ZNF469: variants seen among roughly 807,000 people sequenced by gnomAD.
ZNF469 encodes the protein zinc finger protein 469.
ZNF469 carries 1 observed loss-of-function variant against 1.0 expected under a neutral mutation model. The ratio of observed to expected loss-of-function variants is 1.00; its 90% confidence interval spans 0.35 to 4.73. The LOEUF (loss-of-function observed/expected upper bound fraction) is 4.73. Among genes scored for constraint, ZNF469 ranks in the 30% most tolerant of loss-of-function variants. The pLI, the probability that ZNF469 is intolerant of heterozygous loss-of-function variation, is 0.16. For missense variants in ZNF469, 6,100 were observed against 5,356.3 expected (o/e 1.14, Z -4.33); for synonymous variants, 2,703 against 2,363.4 (o/e 1.14, Z -4.17).
the ZNF469 span, among the ~76,000 whole-genome samples, chr16:88,267,556 C>G: frequency 6.6e-6 from 1 of 152,348 alleles, no homozygotes; most frequent in African/African-American, 2.4e-5. Context: ...CTTTTCCCGG[C>G]TGAGCTGAGT....
At chr16:88,156,460 G>A in the ZNF469 span, among the ~76,000 whole-genome samples, 1 of 152,188 alleles carries the variant, frequency 6.6e-6, no homozygotes, top group Admixed American at 6.5e-5. Context: ...GGATATCCAG[G>A]TGTCCCGGCA....
At chr16:88,210,488 G>C in the ZNF469 span, among the ~76,000 whole-genome samples, 1 of 152,202 alleles carries the variant, frequency 6.6e-6, no homozygotes, top group Non-Finnish European at 1.5e-5. Context: ...ATCTTCTCTT[G>C]TGTTGCATTT....
At chr16:88,305,048 C>T in the ZNF469 span, among the ~76,000 whole-genome samples, 1 of 152,170 alleles carries the variant, frequency 6.6e-6, no homozygotes. Flanking sequence ...AAGCTGGAGA[C>T]AGGGCAGCAT....
chr16:88,116,510 T>C, the ZNF469 span, among the ~76,000 whole-genome samples: 3 of 152,194 alleles, frequency 2.0e-5, no homozygotes, highest in Non-Finnish European at 4.4e-5. Context: ...TTGGGGCGTT[T>C]ATTCCAAAGA....
At chr16:88,102,321 C>T in the ZNF469 span, among the ~76,000 whole-genome samples, 1 of 152,130 alleles carries the variant, frequency 6.6e-6, no homozygotes, top group African/African-American at 2.4e-5. Context: ...GTTCGTAGAG[C>T]AGCCTGGCCA....
the ZNF469 span, chr16:88,276,648 G>A: frequency 6.6e-6 from 1 of 152,198 alleles, no homozygotes; most frequent in Non-Finnish European, 1.5e-5. Context: ...TATGTTTATT[G>A]TCACGGGCTG....
chr16:88,434,881 C>G lies in ZNF469; in HGVS notation c.7411C>G (p.Pro2471Ala). 6.5e-7 allele frequency: 1 copy of G among 1,550,370 alleles called. No individual in the cohort carries two copies. The highest frequency in any genetic ancestry group is 8.7e-7 in the Non-Finnish European group (1 of 1,146,992). Residue 2471 changes from proline (P) to alanine (A), a missense_variant, in exon 3 of 3, where the codon CCT becomes GCT. Coordinates refer to ENST00000565624, the MANE Select transcript of ZNF469 (RefSeq NM_001367624.2). ...GTGGAAGGGCCAAGCTCCACATGGG[C>G]CTGTGACCTGTGAGGTCTGCGCAGC... ...GQWKGQAPHG[P>A]VTCEVCAASF...
chr16:88,184,698 C>G, the ZNF469 span, among the ~76,000 whole-genome samples: 4 of 151,882 alleles, frequency 2.6e-5, no homozygotes, highest in African/African-American at 9.7e-5. Flanking sequence ...GACTTCACGG[C>G]TGCACGGCCG....
the ZNF469 span, among the ~76,000 whole-genome samples, chr16:88,272,330 T>G: frequency 8.3e-6 from 1 of 120,584 alleles, no homozygotes; most frequent in Non-Finnish European, 1.8e-5. Context: ...TGCTGGGTGG[T>G]TAGATGGGTG....
chr16:88,313,413 C>T, the ZNF469 span, among the ~76,000 whole-genome samples: 1 of 152,218 alleles, frequency 6.6e-6, no homozygotes, highest in South Asian at 2.1e-4. Context: ...CCGCCCATCC[C>T]TCCAAAAAAT....
chr16:88,260,582 T>C, the ZNF469 span, among the ~76,000 whole-genome samples: 4 of 152,334 alleles, frequency 2.6e-5, no homozygotes, highest in Admixed American at 2.6e-4. The surrounding 1 kb of genome is among the most constrained non-coding windows in gnomAD (Gnocchi z 4.1). Context: ...GGGGCTTTAC[T>C]CTTTTACAAA....
the ZNF469 span, among the ~76,000 whole-genome samples, chr16:88,115,228 C>T: frequency 2.0e-5 from 3 of 152,180 alleles, no homozygotes; most frequent in Non-Finnish European, 2.9e-5. Flanking sequence ...CCAAAAACAG[C>T]CACTGTGTTT....
At chr16:88,406,861 G>A (rs993047692) in intron 1 of ZNF469, among the ~76,000 whole-genome samples, 9 of 152,174 alleles carry the variant, frequency 5.9e-5, no homozygotes, top group Admixed American at 1.3e-4. Flanking sequence ...AGCTTCCCCC[G>A]TCGGCCCCCA....
At chr16:88,398,201 C>T (rs1175032349) in intron 1 of ZNF469, among the ~76,000 whole-genome samples, 1 of 152,188 alleles carries the variant, frequency 6.6e-6, no homozygotes, top group Non-Finnish European at 1.5e-5. Context: ...GGGCTGTGCT[C>T]CCTCCACCAC....
chr16:88,350,103 C>T, the ZNF469 span, among the ~76,000 whole-genome samples: 3 of 152,166 alleles, frequency 2.0e-5, no homozygotes, highest in African/African-American at 7.2e-5. Context: ...CAGTTCCTCC[C>T]GCCCCCCTTG....
chr16:88,284,022 C>G, the ZNF469 span, among the ~76,000 whole-genome samples: 5 of 97,926 alleles, frequency 5.1e-5, no homozygotes, highest in African/African-American at 1.6e-4. Flanking sequence ...GGTAGACCCC[C>G]AGTGTGTCCG....
chr16:88,404,142 A>G (rs1293399189), intron 1 of ZNF469, among the ~76,000 whole-genome samples: 1 of 152,024 alleles, frequency 6.6e-6, no homozygotes, highest in African/African-American at 2.4e-5. Flanking sequence ...ACCTTTTTAA[A>G]CATATACAAG....
the ZNF469 span, among the ~76,000 whole-genome samples, chr16:88,134,153 G>C: frequency 6.6e-6 from 1 of 152,166 alleles, no homozygotes; most frequent in Non-Finnish European, 1.5e-5. Context: ...CCAGTACTTA[G>C]GTTTAGAGTA....
At chr16:88,415,809 C>T (rs1175473426) in intron 1 of ZNF469, among the ~76,000 whole-genome samples, 2 of 152,224 alleles carry the variant, frequency 1.3e-5, no homozygotes, top group Non-Finnish European at 2.9e-5. Flanking sequence ...GTGTAGCTCC[C>T]AAGCCCCGCA....
Sources: gnomAD v4.1 joint callset for allele counts (sites outside exome capture counted in the v4.1 genomes callset) on GRCh38, gnomAD v4.1.1 for gene constraint, Gnocchi (gnomAD v3.1) non-coding constraint, MANE v1.5 for transcripts, NCBI Gene and HGNC (gene_info 2026-07-23, HGNC 2026-07-21) for gene names.